CPNE4: variants seen among roughly 807,000 people sequenced by gnomAD.
CPNE4 encodes the protein copine-4.
A neutral mutation model predicts 67.9 loss-of-function variants in CPNE4; 25 were observed. The ratio of observed to expected loss-of-function variants is 0.37; its 90% CI spans 0.27 to 0.51. CPNE4 has a LOEUF of 0.51. Among genes scored for constraint, CPNE4 ranks in the 20% least tolerant of loss-of-function variants. The probability of loss-of-function intolerance (pLI) is 0.93; values close to 1 mark genes in which losing one functional copy is unlikely to be tolerated. For missense variants in CPNE4, 464 were observed against 690.8 expected, an observed-to-expected ratio of 0.67 and a Z score of 3.68; for synonymous variants, 242 against 244.9, an observed-to-expected ratio of 0.99 and a Z score of 0.11.
chr3:131,551,634 A>G (rs1411178557), intron 13 of CPNE4, among the ~76,000 whole-genome samples: 1 of 152,020 alleles, frequency 6.6e-6, no homozygotes, highest in Non-Finnish European at 1.5e-5. Context: ...TTGATATCAT[A>G]TTCTTGGCCA....
intron 1 of CPNE4, among the ~76,000 whole-genome samples, chr3:132,023,581 G>T (rs912120734): frequency 2.1e-5 from 3 of 140,690 alleles, no homozygotes; most frequent in African/African-American, 7.9e-5. Flanking sequence ...TCCGCCTCCC[G>T]GGTTCACGCC....
At chr3:132,006,800 G>A (rs2073619636) in intron 1 of CPNE4, among the ~76,000 whole-genome samples, 1 of 152,058 alleles carries the variant, frequency 6.6e-6, no homozygotes, top group Non-Finnish European at 1.5e-5. Flanking sequence ...ACCGCAAAGG[G>A]GCAGTGTGGA....
intron 1 of CPNE4, among the ~76,000 whole-genome samples, chr3:131,926,952 T>C (rs1385494199): frequency 6.6e-6 from 1 of 151,872 alleles, no homozygotes; most frequent in Non-Finnish European, 1.5e-5. Context: ...GGGTACAGAA[T>C]TGAGTTATAG....
intron 2 of CPNE4, among the ~76,000 whole-genome samples, chr3:131,785,055 T>G (rs1212333829): frequency 6.6e-6 from 1 of 152,102 alleles, no homozygotes; most frequent in East Asian, 1.9e-4. Context: ...ATGTGTAGAA[T>G]GGAGATATTA....
At chr3:131,951,762 G>T (rs1393114071) in intron 1 of CPNE4, among the ~76,000 whole-genome samples, 1 of 152,194 alleles carries the variant, frequency 6.6e-6, no homozygotes, top group Non-Finnish European at 1.5e-5. Context: ...ATGGGGTTTC[G>T]CTGTGTTGGC....
chr3:131,988,344 C>T (rs893913658), intron 1 of CPNE4, among the ~76,000 whole-genome samples: 1 of 152,084 alleles, frequency 6.6e-6, no homozygotes, highest in African/African-American at 2.4e-5. Flanking sequence ...GTCTTAAGAG[C>T]AATGGGAAGC....
chr3:131,563,609 C>G (rs1180245768), intron 11 of CPNE4, among the ~76,000 whole-genome samples: 1 of 151,990 alleles, frequency 6.6e-6, no homozygotes, highest in East Asian at 1.9e-4. Flanking sequence ...CATACATGTG[C>G]CACACCCTCT....
At chr3:132,014,569 C>T (rs567824956) in intron 1 of CPNE4, among the ~76,000 whole-genome samples, 20 of 152,198 alleles carry the variant, frequency 1.3e-4, no homozygotes, top group African/African-American at 4.8e-4. Context: ...TTTCTTTTTC[C>T]GTTAAAATGT....
chr3:131,967,401 G>C (rs1191543444), intron 1 of CPNE4, among the ~76,000 whole-genome samples: 2 of 152,024 alleles, frequency 1.3e-5, no homozygotes, highest in Admixed American at 1.3e-4. Context: ...AGAAATAAAG[G>C]GTATTTAAAT....
chr3:131,891,746 A>G (rs1051793861), intron 2 of CPNE4, among the ~76,000 whole-genome samples: 1 of 152,068 alleles, frequency 6.6e-6, no homozygotes, highest in Non-Finnish European at 1.5e-5. Flanking sequence ...TCTGCAAAGG[A>G]CATAACCTTA....
At chr3:131,999,357 G>A (rs2073372069) in intron 1 of CPNE4, among the ~76,000 whole-genome samples, 1 of 151,120 alleles carries the variant, frequency 6.6e-6, no homozygotes, top group Non-Finnish European at 1.5e-5. Flanking sequence ...GATCATCCAT[G>A]CCATGGAATA....
At chr3:131,724,891 G>C (rs1379794283) in intron 2 of CPNE4, among the ~76,000 whole-genome samples, 3 of 151,940 alleles carry the variant, frequency 2.0e-5, no homozygotes, top group African/African-American at 7.3e-5. Context: ...CTACATACTT[G>C]TCACAAGTAA....
rs539664167 is a variant in CPNE4, at chr3:131,542,045, A to AT, written c.1539+511dup. ...ATAAATTTTTGATGCTGCTTACTAT[A>AT]TTTTTTATAGAGGATTTAGGTTTCT... On this transcript the variant is annotated intron_variant, in intron 15 of 15. Coordinates refer to ENST00000429747, the MANE Select transcript of CPNE4 (RefSeq NM_130808.3). Among the ~76,000 whole-genome samples the AT allele has an allele frequency of 5.4e-3, 827 of 152,200 alleles. 10 individuals carry two copies. The highest frequency in any genetic ancestry group is 0.019 in the African/African-American group (794 of 41,524).
At chr3:131,883,792 G>A (rs1304395041) in intron 2 of CPNE4, among the ~76,000 whole-genome samples, 2 of 152,198 alleles carry the variant, frequency 1.3e-5, no homozygotes, top group Non-Finnish European at 2.9e-5. Flanking sequence ...TTAACTGTAG[G>A]CATGATGTTG....
At chr3:132,014,072 C>G (rs1021819668) in intron 1 of CPNE4, among the ~76,000 whole-genome samples, 2 of 152,162 alleles carry the variant, frequency 1.3e-5, no homozygotes, top group Non-Finnish European at 2.9e-5. Context: ...TCCACTCTCC[C>G]ATGATGTAGA....
At position 131,959,300 on chromosome 3, in the gene CPNE4, G is replaced by A. The variant is rs1052095269; in HGVS notation, c.-1-53856C>T. On this transcript the variant is annotated intron_variant, in intron 1 of 15. Coordinates refer to ENST00000429747, the MANE Select transcript of CPNE4 (RefSeq NM_130808.3). ...CAGGCGTGAGCCACCGCGCCCGGCC[G>A]ATACACCTTTCTAAGTTTCAATTAT... 1.8e-3 allele frequency among the ~76,000 whole-genome samples: 52 copies of A among 29,424 alleles called. 2 individuals are homozygous for A. Among genetic ancestry groups the A allele is most frequent in the Admixed American group, 3.0e-3 (6 of 1,974 alleles). The allele number at this position is 29,424 out of a possible 152,430, so 19.3% of individuals were successfully genotyped here.
At chr3:131,923,929 G>T (rs2070819040) in intron 1 of CPNE4, among the ~76,000 whole-genome samples, 1 of 151,890 alleles carries the variant, frequency 6.6e-6, no homozygotes, top group South Asian at 2.1e-4. Context: ...AAGGGACCAA[G>T]GGGCCAGTGG....
intron 5 of CPNE4, among the ~76,000 whole-genome samples, chr3:131,689,702 A>G (rs562170622): frequency 1.3e-5 from 2 of 152,194 alleles, no homozygotes; most frequent in African/African-American, 2.4e-5. Context: ...TATAGTACTA[A>G]AAGTCCTCGC....
intron 3 of CPNE4, among the ~76,000 whole-genome samples, chr3:131,713,296 T>A (rs976260817): frequency 3.3e-5 from 5 of 152,168 alleles, no homozygotes; most frequent in African/African-American, 1.2e-4. Context: ...TTTTTATAAC[T>A]ATCTTTGAAA....
Sources: gnomAD v4.1 joint callset for allele counts (sites outside exome capture counted in the v4.1 genomes callset) on GRCh38, gnomAD v4.1.1 for gene constraint, MANE v1.5 for transcripts, NCBI Gene and HGNC (gene_info 2026-07-23, HGNC 2026-07-21) for gene names.